SLC12A7: variants seen among roughly 807,000 people sequenced by gnomAD.
SLC12A7 encodes solute carrier family 12 member 7.
Under a neutral mutation model 120.6 loss-of-function variants are expected in SLC12A7, and 100 were observed. The ratio of observed to expected loss-of-function variants is 0.83; its 90% CI spans 0.71 to 0.98. The LOEUF (loss-of-function observed/expected upper bound fraction) is 0.98. Among genes scored for constraint, SLC12A7 ranks in the 50% least tolerant of loss-of-function variants. The probability of loss-of-function intolerance (pLI) is 0.00; values close to 1 mark genes in which losing one functional copy is unlikely to be tolerated. For synonymous variants in SLC12A7, 760 were observed against 678.0 expected (o/e 1.12, Z -1.88); for missense variants, 1,373 against 1,548.1 (o/e 0.89, Z 1.90).
intron 20 of SLC12A7, among the ~76,000 whole-genome samples, chr5:1,062,513 C>T (rs1182531929): frequency 6.6e-6 from 1 of 152,196 alleles, no homozygotes; most frequent in Non-Finnish European, 1.5e-5. Flanking sequence ...AAAGGTCCTG[C>T]AGGGCAAGAG....
At chr5:1,147,161 G>A in the SLC12A7 span, among the ~76,000 whole-genome samples, 1 of 151,888 alleles carries the variant, frequency 6.6e-6, no homozygotes, top group Admixed American at 6.6e-5. Flanking sequence ...CACCCCTCTT[G>A]GACAAGGGGA....
At chr5:1,068,523 G>A (rs546559242) in intron 17 of SLC12A7, among the ~76,000 whole-genome samples, 2 of 152,404 alleles carry the variant, frequency 1.3e-5, no homozygotes, top group Non-Finnish European at 2.9e-5. Flanking sequence ...CGATGGAGGA[G>A]AATACGGCTC....
intron 22 of SLC12A7, 124 bp from the exon 23 acceptor site, chr5:1,053,606 A>C: frequency 7.8e-7 from 1 of 1,281,098 alleles, no homozygotes; most frequent in Non-Finnish European, 1.1e-6. Flanking sequence ...AGTCAGGATC[A>C]GGCGGATTCT....
At chr5:1,075,919 C>A (rs1388850619) in intron 14 of SLC12A7, 2 of 542,756 alleles carry the variant, frequency 3.7e-6, no homozygotes, top group Non-Finnish European at 6.5e-6. Context: ...AGAGGCCTTC[C>A]TCAGGTGCAG....
At chr5:1,055,719 T>C (rs1182412684) in intron 22 of SLC12A7, among the ~76,000 whole-genome samples, 2 of 152,232 alleles carry the variant, frequency 1.3e-5, no homozygotes, top group African/African-American at 4.8e-5. Flanking sequence ...TGTGTGTGCC[T>C]GTGCATGTGT....
At chr5:1,059,320 T>G (rs763924107) in intron 21 of SLC12A7, among the ~76,000 whole-genome samples, 2 of 152,210 alleles carry the variant, frequency 1.3e-5, no homozygotes, top group Non-Finnish European at 2.9e-5. Flanking sequence ...CGCTGCTTAG[T>G]GATTCCGGCT....
intron 6 of SLC12A7, 52 bp from the exon 7 acceptor site, chr5:1,085,525 GC>G (rs1299705460): frequency 6.6e-7 from 1 of 1,519,882 alleles, no homozygotes; most frequent in South Asian, 1.3e-5. Flanking sequence ...ACTCCCCAGT[GC>G]CCGTCCCTCC....
At chr5:1,078,065 A>G (rs781333226) in intron 11 of SLC12A7, 58 bp from the exon 12 acceptor site, 50 of 1,505,720 alleles carry the variant, frequency 3.3e-5, no homozygotes, top group Non-Finnish European at 4.4e-5. Flanking sequence ...GAGTCAGACA[A>G]AATGTCTTCT....
chr5:1,061,039 G>A (rs2150788665), intron 20 of SLC12A7, among the ~76,000 whole-genome samples: 1 of 137,636 alleles, frequency 7.3e-6, no homozygotes, highest in East Asian at 2.2e-4. Context: ...CCGCCGTGCG[G>A]GATCCCTGAG....
chr5:1,079,973 T>C (rs1198019949), intron 9 of SLC12A7, among the ~76,000 whole-genome samples: 1 of 152,196 alleles, frequency 6.6e-6, no homozygotes, highest in Non-Finnish European at 1.5e-5. Flanking sequence ...GCCGGGGATG[T>C]TTCCACACAA....
At chr5:1,141,792 C>G in the SLC12A7 span, among the ~76,000 whole-genome samples, 7 of 152,336 alleles carry the variant, frequency 4.6e-5, no homozygotes, top group African/African-American at 1.7e-4. Flanking sequence ...GGCCACTGGA[C>G]ACTCAGGCAG....
In SLC12A7 at chr5:1,093,483, C is replaced by T. The variant is rs2150878518; in HGVS notation, c.342+50G>A. 6 of 294,234 alleles carry T rather than the reference C, an allele frequency of 2.0e-5. No individual in the cohort carries two copies. The East Asian group carries it at 6.6e-4, about 33-fold the overall frequency. The allele number at this position is 294,234 out of a possible 1,614,324, so 18.2% of individuals were successfully genotyped here. A position where few individuals can be genotyped will look rare whatever the true frequency, so the allele number is the denominator to read the frequency against. ...GCCTTGCCGGCGTGATCTAACCCTG[C>T]CGGGACACACGGGGCGGGGACTGGG... On this transcript the variant is annotated intron_variant, in intron 3 of 23. Transcript: ENST00000264930.
chr5:1,097,619 C>G (rs761277761), intron 1 of SLC12A7, among the ~76,000 whole-genome samples: 2 of 152,198 alleles, frequency 1.3e-5, no homozygotes, highest in Admixed American at 6.5e-5. Context: ...CAGCGAGGCA[C>G]GACTCTGTCC....
upstream of SLC12A7, among the ~76,000 whole-genome samples, chr5:1,113,955 G>A (rs991974217): frequency 6.6e-6 from 1 of 152,222 alleles, no homozygotes; most frequent in African/African-American, 2.4e-5. Context: ...CAACAGATGT[G>A]CAGGGCTCCC....
intron 8 of SLC12A7, 73 bp from the exon 9 acceptor site, chr5:1,081,817 C>A (rs1739159189): frequency 1.2e-5 from 19 of 1,539,130 alleles, no homozygotes; most frequent in Non-Finnish European, 1.6e-5. Context: ...GCCGCCCACT[C>A]CCCGGCAGGT....
the SLC12A7 span, among the ~76,000 whole-genome samples, chr5:1,149,507 G>A: frequency 3.7e-3 from 556 of 152,308 alleles, 7 homozygotes; most frequent in African/African-American, 0.012. Flanking sequence ...AACCCGGGAG[G>A]TGGAGGTTGT....
intron 1 of SLC12A7, among the ~76,000 whole-genome samples, chr5:1,104,642 C>A (rs1742329556): frequency 6.7e-6 from 1 of 149,624 alleles, no homozygotes; most frequent in African/African-American, 2.5e-5. Flanking sequence ...ATCCCGGACC[C>A]CAGGACCACT....
At chr5:1,055,906 AAAGGG>A (rs1244157434) in intron 22 of SLC12A7, among the ~76,000 whole-genome samples, 2 of 152,176 alleles carry the variant, frequency 1.3e-5, no homozygotes, top group Non-Finnish European at 2.9e-5. Context: ...TTAAAGATAA[AAAGGG>A]AAGGGAAGTG....
intron 22 of SLC12A7, 88 bp from the exon 23 acceptor site, chr5:1,053,570 TCA>T (rs1735286307): frequency 6.6e-7 from 1 of 1,506,298 alleles, no homozygotes; most frequent in East Asian, 2.3e-5. Context: ...TGAGCTGCAT[TCA>T]CACGTGTTGG....
Sources: allele counts gnomAD v4.1 joint callset (sites outside exome capture counted in the v4.1 genomes callset), GRCh38; gene constraint gnomAD v4.1.1; transcripts MANE v1.5; gene names NCBI Gene and HGNC (gene_info 2026-07-23, HGNC 2026-07-21).